DOCK2: variants seen among roughly 807,000 people sequenced by gnomAD.
DOCK2 encodes the protein dedicator of cytokinesis protein 2.
In DOCK2, 87 loss-of-function variants were observed where a neutral mutation model predicts 248.9. The ratio of observed to expected loss-of-function variants is 0.35; its 90% confidence interval spans 0.29 to 0.42. The LOEUF is 0.42. Ranked by LOEUF, DOCK2 falls within the 10% of genes least tolerant of loss-of-function variation. The probability of loss-of-function intolerance (pLI) is 1.00; values close to 1 mark genes in which losing one functional copy is unlikely to be tolerated. For missense variants in DOCK2, 1,747 were observed against 2,300.2 expected (o/e 0.76, Z 4.92); for synonymous variants, 805 against 821.6 (o/e 0.98, Z 0.35).
At position 170,067,672 on chromosome 5, in the gene DOCK2, G is replaced by A. The variant is rs767874214; in HGVS notation, c.4630G>A (p.Ala1544Thr). The change falls in exon 45 of 52, where the codon GCC (alanine) becomes ACC (threonine). Residue 1544 changes from alanine (A) to threonine (T), a missense_variant. By Grantham distance (58) the Ala-to-Thr change is moderately conservative. Coordinates refer to ENST00000520908, the MANE Select transcript of DOCK2 (RefSeq NM_004946.3). Reference protein sequence around the residue: ...IVDPAVMGGFAKYEKAFFTEE... With the variant: ...IVDPAVMGGFTKYEKAFFTEE... Reference sequence around the variant, plus strand: ...GGACCCTGCTGTCATGGGAGGCTTCGCCAAGTATGAGAAGGTGAGGATTTC... The same window carrying A: ...GGACCCTGCTGTCATGGGAGGCTTCACCAAGTATGAGAAGGTGAGGATTTC... The A allele has an allele frequency of 2.8e-5, 45 of 1,613,918 alleles. No homozygotes were observed. Among genetic ancestry groups the A allele is most frequent in the South Asian group, 1.2e-4 (11 of 91,074 alleles).
chr5:169,833,237 A>G (rs555787179), intron 26 of DOCK2, among the ~76,000 whole-genome samples: 28 of 152,238 alleles, frequency 1.8e-4, no homozygotes, highest in Non-Finnish European at 3.4e-4. Flanking sequence ...TATATGTTTA[A>G]TATATTTAAC....
chr5:169,981,330 G>T (rs990238098), intron 27 of DOCK2, among the ~76,000 whole-genome samples: 2 of 152,050 alleles, frequency 1.3e-5, no homozygotes, highest in Non-Finnish European at 2.9e-5. Flanking sequence ...ATATATACAC[G>T]TGTATATATA....
chr5:170,023,301 A>G (rs1412439698), intron 33 of DOCK2, among the ~76,000 whole-genome samples: 1 of 152,220 alleles, frequency 6.6e-6, no homozygotes, highest in Admixed American at 6.5e-5. Context: ...TCATTGAATT[A>G]ATTAATAGAC....
intron 46 of DOCK2, chr5:170,075,322 A>G (rs1757800392): frequency 6.6e-6 from 1 of 151,902 alleles, no homozygotes; most frequent in African/African-American, 2.4e-5. Flanking sequence ...TAAGACTTCA[A>G]CTCCCTCACA....
At chr5:169,749,554 G>T (rs960023696) in intron 23 of DOCK2, among the ~76,000 whole-genome samples, 3 of 152,100 alleles carry the variant, frequency 2.0e-5, no homozygotes, top group Non-Finnish European at 2.9e-5. Flanking sequence ...ACGTCTTAAG[G>T]TTTCTATTTT....
At chr5:169,882,941 G>A (rs1772746389) in intron 27 of DOCK2, 1 of 1,551,756 alleles carries the variant, frequency 6.4e-7, no homozygotes, top group Non-Finnish European at 8.7e-7. Flanking sequence ...GGGTGGGCTG[G>A]CTGGCTGTGG....
intron 1 of DOCK2, among the ~76,000 whole-genome samples, chr5:169,647,954 G>T (rs1757567273): frequency 6.6e-6 from 1 of 152,130 alleles, no homozygotes; most frequent in South Asian, 2.1e-4. Flanking sequence ...CTAGCTGCAG[G>T]ATCCTGCAGA....
chr5:170,070,106 AC>A (rs1392594926), intron 46 of DOCK2, among the ~76,000 whole-genome samples: 4 of 152,228 alleles, frequency 2.6e-5, no homozygotes, highest in Non-Finnish European at 5.9e-5. Flanking sequence ...CCCTCCTCAG[AC>A]ATTCGCCCAC....
chr5:169,730,615 G>A (rs917026564), intron 22 of DOCK2, among the ~76,000 whole-genome samples: 2 of 152,142 alleles, frequency 1.3e-5, no homozygotes, highest in African/African-American at 4.8e-5. Flanking sequence ...AGTCTCTTTA[G>A]TTACCTCACT....
In DOCK2 at chr5:169,940,015, C is replaced by A. The variant is rs566959386; in HGVS notation, c.2800-43053C>A. ...ATCTTTCAGATCTTACCTCCAAACCCCAACACCTCCCATTCCCCAGGGAGT... is the reference window on the plus strand; with the variant it reads ...ATCTTTCAGATCTTACCTCCAAACCACAACACCTCCCATTCCCCAGGGAGT... On this transcript the variant is annotated intron_variant, in intron 27 of 51. Coordinates refer to ENST00000520908, the MANE Select transcript of DOCK2 (RefSeq NM_004946.3). Among the ~76,000 whole-genome samples the A allele has an allele frequency of 4.3e-4, 65 of 152,302 alleles. 2 individuals carry two copies. The highest frequency in any genetic ancestry group is 1.0e-4 in the Non-Finnish European group (7 of 68,026).
intron 17 of DOCK2, among the ~76,000 whole-genome samples, chr5:169,713,448 A>G (rs1761698667): frequency 6.6e-6 from 1 of 152,160 alleles, no homozygotes; most frequent in South Asian, 2.1e-4. Context: ...CCACTCATTT[A>G]TGTGTGTATC....
At chr5:169,884,466 G>T (rs1250236803) in intron 27 of DOCK2, 1 of 152,222 alleles carries the variant, frequency 6.6e-6, no homozygotes, top group African/African-American at 2.4e-5. Context: ...CTGGAGGTTT[G>T]CTTGTTTGAT....
At chr5:170,046,567 T>A (rs1341530785) in intron 39 of DOCK2, among the ~76,000 whole-genome samples, 1 of 152,114 alleles carries the variant, frequency 6.6e-6, no homozygotes, top group Non-Finnish European at 1.5e-5. Context: ...AGTCAGAATG[T>A]TAGGAGAGGA....
At position 169,985,817 on chromosome 5, in the gene DOCK2, C is replaced by T. The variant is rs767660889; in HGVS notation, c.2899-11C>T. 6.2e-7 allele frequency: 1 copy of T among 1,602,768 alleles called. No homozygotes were observed. The highest frequency in any genetic ancestry group is 8.5e-7 in the Non-Finnish European group (1 of 1,173,242). Reference sequence around the variant, plus strand: ...ACAGGATGACATGTGTGCTGTGCTTCATTGTTTCAGGACTTCTTGATGGAG... The same window carrying T: ...ACAGGATGACATGTGTGCTGTGCTTTATTGTTTCAGGACTTCTTGATGGAG... On this transcript the variant is annotated splice_polypyrimidine_tract_variant and intron_variant, in intron 28 of 51. Transcript: ENST00000520908.
At chr5:169,712,746 G>A (rs1370034525) in intron 17 of DOCK2, among the ~76,000 whole-genome samples, 1 of 152,168 alleles carries the variant, frequency 6.6e-6, no homozygotes, top group Non-Finnish European at 1.5e-5. Flanking sequence ...CCACTAGGAT[G>A]ACCCATGAAA....
intron 12 of DOCK2, among the ~76,000 whole-genome samples, 180 bp downstream of exon 12, chr5:169,699,638 G>A (rs1334324602): frequency 6.6e-6 from 1 of 152,224 alleles, no homozygotes; most frequent in Non-Finnish European, 1.5e-5. Context: ...GAAAATTGGA[G>A]GCATGTCCTG....
At position 169,885,912 on chromosome 5, in the gene DOCK2, C is replaced by T. The variant is rs541316987; in HGVS notation, c.2799+45060C>T. Among the ~76,000 whole-genome samples, 54 of 152,228 alleles carry T rather than the reference C, an allele frequency of 3.5e-4. 1 individual carries two copies. Among genetic ancestry groups the T allele is most frequent in the Middle Eastern group, 3.4e-3 (1 of 294 alleles). On this transcript the variant is annotated intron_variant, in intron 27 of 51. Coordinates refer to ENST00000520908, the MANE Select transcript of DOCK2 (RefSeq NM_004946.3). Reference sequence around the variant, plus strand: ...GGTGCCATTATCCCCCTTAGACTTACGGGGAAATTGAAGCTTAGAGAGGGT... The same window carrying T: ...GGTGCCATTATCCCCCTTAGACTTATGGGGAAATTGAAGCTTAGAGAGGGT...
intron 27 of DOCK2, among the ~76,000 whole-genome samples, chr5:169,854,669 G>A (rs1770797554): frequency 6.6e-6 from 1 of 152,184 alleles, no homozygotes; most frequent in Admixed American, 6.5e-5. Context: ...CTCTTCCCCT[G>A]GACTGCTTTT....
chr5:169,893,298 G>T (rs2113547890), intron 27 of DOCK2, among the ~76,000 whole-genome samples: 1 of 152,236 alleles, frequency 6.6e-6, no homozygotes, highest in Non-Finnish European at 1.5e-5. Flanking sequence ...TTCTCCAGGG[G>T]AAAGCCTTTA....
Sources: gnomAD v4.1 joint callset for allele counts (sites outside exome capture counted in the v4.1 genomes callset) on GRCh38, gnomAD v4.1.1 for gene constraint, MANE v1.5 for transcripts, NCBI Gene and HGNC (gene_info 2026-07-23, HGNC 2026-07-21) for gene names.